Variants in TMEM131 observed in about 807,000 individuals in gnomAD.
The protein encoded by TMEM131 is 2610524E03Rik.
TMEM131 carries 66 observed loss-of-function variants against 211.6 expected under a neutral mutation model. The observed-to-expected ratio is 0.31, with a 90% CI of 0.26 to 0.38. The LOEUF (loss-of-function observed/expected upper bound fraction) is 0.38. Ranked by LOEUF, TMEM131 falls within the 10% of genes least tolerant of loss-of-function variation. The probability of loss-of-function intolerance (pLI) is 1.00; values close to 1 mark genes in which losing one functional copy is unlikely to be tolerated. For synonymous variants in TMEM131, 844 were observed against 841.3 expected (o/e 1.00, Z -0.06); for missense variants, 2,036 against 2,299.3 (o/e 0.89, Z 2.34).
chr2:97,901,114 C>T (rs1413081515), intron 3 of TMEM131, among the ~76,000 whole-genome samples: 1 of 152,088 alleles, frequency 6.6e-6, no homozygotes, highest in African/African-American at 2.4e-5. Flanking sequence ...TATGAAAATA[C>T]ATACACAAGA....
In TMEM131 at chr2:97,884,856, C is replaced by A. The variant is rs1164044128; in HGVS notation, c.359+3196G>T. ...CAGGCAGTATATAGTTGGGGTTTAT[C>A]CATTCAGCCAGTTTATATCTTTTAG... On this transcript the variant is annotated intron_variant, in intron 4 of 40. Transcript: ENST00000186436. Among the ~76,000 whole-genome samples the A allele has an allele frequency of 2.0e-5, 3 of 152,180 alleles. No homozygotes were observed. The East Asian group carries it at 5.8e-4, about 29-fold the overall frequency.
rs747125636 is a variant in TMEM131, at chr2:97,757,153, A to T, written c.5598T>A (p.Ile1866=). The change falls in exon 41 of 41, where the codon ATT becomes ATA. Residue 1866 remains isoleucine, a synonymous_variant. Transcript: ENST00000186436. ...YNPWRIWSPT[I]GRRSSDPWSN... is the part of the protein sequence containing the mutation. Reference sequence around the variant, plus strand: ...ACCAAGGGTCCGAGCTTCTTCTTCCAATCGTGGGGCTCCATATCCGCCACG... The same window carrying T: ...ACCAAGGGTCCGAGCTTCTTCTTCCTATCGTGGGGCTCCATATCCGCCACG... The T allele has an allele frequency of 6.2e-7, 1 of 1,613,374 alleles. No homozygotes were observed. Among genetic ancestry groups the T allele is most frequent in the East Asian group, 2.2e-5 (1 of 44,864 alleles).
intron 4 of TMEM131, among the ~76,000 whole-genome samples, chr2:97,860,637 A>C (rs929963366): frequency 6.6e-6 from 1 of 152,188 alleles, no homozygotes; most frequent in African/African-American, 2.4e-5. Flanking sequence ...AAGACTTGGG[A>C]AAGTTGATAA....
At chr2:97,813,797 G>A (rs756049622) in intron 15 of TMEM131, among the ~76,000 whole-genome samples, 174 bp downstream of exon 15, 2 of 152,184 alleles carry the variant, frequency 1.3e-5, no homozygotes, top group Non-Finnish European at 2.9e-5. Context: ...AGAGAGAGCT[G>A]CCAGAAAAGG....
At chr2:97,858,326 T>G (rs1000308297) in intron 5 of TMEM131, among the ~76,000 whole-genome samples, 2 of 152,184 alleles carry the variant, frequency 1.3e-5, no homozygotes, top group African/African-American at 4.8e-5. Context: ...TATATTAAAG[T>G]TTTAGGTATT....
In TMEM131 at chr2:97,796,965, A is replaced by G; in HGVS notation, c.2892T>C (p.Asp964=). 1.2e-6 allele frequency: 2 copies of G among 1,613,788 alleles called. No homozygotes were observed. The highest frequency in any genetic ancestry group is 1.3e-5 in the African/African-American group (1 of 75,068). ...TTCCTTGTCCTTGGACCATCACAGC[A>G]TCCATCACAGTCAGGTTATTTCTAT... ...IIVRNNLTVM[D]AVMVQGQGTT... The change falls in exon 27 of 41, where the codon GAT becomes GAC. Residue 964 remains aspartate (D), a synonymous_variant. Transcript: ENST00000186436.
rs542804957 is a variant in TMEM131 at position 97,839,940 on chromosome 2, AT to A, written c.723+1874del. Among the ~76,000 whole-genome samples, 5 of 152,340 alleles carry A rather than the reference AT, an allele frequency of 3.3e-5. No homozygotes were observed. The South Asian group carries it at 1.0e-3, about 32-fold the overall frequency. On this transcript the variant is annotated intron_variant, in intron 7 of 40. Transcript: ENST00000186436. Reference sequence around the variant, plus strand: ...ACGTTTTTGCTTCATTCATGTTTGAATTGTTAACATTTTTTTCCTGAGGAGA... The same window carrying A: ...ACGTTTTTGCTTCATTCATGTTTGAATGTTAACATTTTTTTCCTGAGGAGA...
chr2:97,887,360 G>A lies in TMEM131; in HGVS notation c.359+692C>T, dbSNP rs184010639. On this transcript the variant is annotated intron_variant, in intron 4 of 40. Coordinates refer to ENST00000186436, the MANE Select transcript of TMEM131 (RefSeq NM_015348.2). ...CAGCTGGTCTGGAGGTGTGTCTGCC[G>A]GTGGTTGCCCACAGGGCTGTTTTTC... Among the ~76,000 whole-genome samples the A allele has an allele frequency of 3.9e-5, 6 of 152,220 alleles. No individual in the cohort carries two copies. The South Asian group carries it at 6.2e-4, about 16-fold the overall frequency.
intron 1 of TMEM131, among the ~76,000 whole-genome samples, chr2:97,956,530 A>T (rs1194788446): frequency 6.6e-6 from 1 of 152,210 alleles, no homozygotes; most frequent in African/African-American, 2.4e-5. Flanking sequence ...ATAACAGGTC[A>T]TACTCCAAAG....
intron 2 of TMEM131, among the ~76,000 whole-genome samples, chr2:97,910,982 T>G (rs919664692): frequency 5.3e-5 from 8 of 152,170 alleles, no homozygotes; most frequent in Admixed American, 2.6e-4. Context: ...TGTACATAAA[T>G]GTTCGTAGCA....
intron 1 of TMEM131, among the ~76,000 whole-genome samples, chr2:97,935,831 TA>T (rs1445979343): frequency 7.2e-4 from 109 of 152,210 alleles, no homozygotes; most frequent in African/African-American, 2.5e-3. Flanking sequence ...CATGGAATGT[TA>T]ATACATTTTT....
At chr2:97,932,104 T>C (rs1283601167) in intron 1 of TMEM131, among the ~76,000 whole-genome samples, 1 of 143,700 alleles carries the variant, frequency 7.0e-6, no homozygotes, top group African/African-American at 2.6e-5. Context: ...ATAGTGCCAA[T>C]GCACTCCAGC....
intron 1 of TMEM131, among the ~76,000 whole-genome samples, chr2:97,948,904 G>A (rs747645044): frequency 6.6e-5 from 10 of 152,076 alleles, no homozygotes; most frequent in Admixed American, 1.3e-4. Flanking sequence ...TGATCTGCCC[G>A]TCTCGGCCTC....
chr2:97,856,297 A>G (rs1673844079), intron 5 of TMEM131, among the ~76,000 whole-genome samples: 1 of 152,186 alleles, frequency 6.6e-6, no homozygotes, highest in Non-Finnish European at 1.5e-5. Flanking sequence ...ATATTCAATT[A>G]ACAGATAATT....
At chr2:97,841,159 C>T (rs1460186646) in intron 7 of TMEM131, among the ~76,000 whole-genome samples, 2 of 152,178 alleles carry the variant, frequency 1.3e-5, no homozygotes, top group Non-Finnish European at 2.9e-5. Context: ...CTAGAAGCCA[C>T]AGAGGCTGCA....
At chr2:97,899,027 G>C (rs1675736941) in intron 3 of TMEM131, among the ~76,000 whole-genome samples, 1 of 152,030 alleles carries the variant, frequency 6.6e-6, no homozygotes, top group Admixed American at 6.6e-5. Context: ...ACTAACAGAT[G>C]AATGTTGAAA....
chr2:97,826,928 CA>C (rs1682416885), intron 11 of TMEM131, among the ~76,000 whole-genome samples: 1 of 152,080 alleles, frequency 6.6e-6, no homozygotes, highest in African/African-American at 2.4e-5. Flanking sequence ...GGTTTCCTAA[CA>C]GGGGATCTAA....
At chr2:97,766,371 A>G in intron 34 of TMEM131, 107 bp downstream of exon 34, 1 of 1,597,920 alleles carries the variant, frequency 6.3e-7, no homozygotes, top group Admixed American at 1.7e-5. Flanking sequence ...TTAGCCTTGC[A>G]TGACTAATAA....
intron 5 of TMEM131, among the ~76,000 whole-genome samples, chr2:97,851,115 C>T (rs868463735): frequency 2.6e-5 from 4 of 151,840 alleles, no homozygotes; most frequent in African/African-American, 4.8e-5. Context: ...TGGGCTTTTT[C>T]CTTCCTTGGT....
Sources: gnomAD v4.1 joint callset for allele counts (sites outside exome capture counted in the v4.1 genomes callset) on GRCh38, gnomAD v4.1.1 for gene constraint, MANE v1.5 for transcripts, NCBI Gene and HGNC (gene_info 2026-07-23, HGNC 2026-07-21) for gene names.